DPP6: variants seen among roughly 807,000 people sequenced by gnomAD.
DPP6 encodes dipeptidyl peptidase like 6, also known as A-type potassium channel modulatory protein DPP6.
A neutral mutation model predicts 122.6 loss-of-function variants in DPP6; 69 were observed. That is an observed-to-expected ratio of 0.56 (90% CI 0.46 to 0.69). The LOEUF (loss-of-function observed/expected upper bound fraction) is 0.69. Among genes scored for constraint, DPP6 ranks in the 30% least tolerant of loss-of-function variants. The probability of loss-of-function intolerance (pLI) is 0.00; values close to 1 mark genes in which losing one functional copy is unlikely to be tolerated. For missense variants in DPP6, 928 were observed against 1,116.9 expected, an observed-to-expected ratio of 0.83 and a Z score of 2.41; for synonymous variants, 418 against 433.1, an observed-to-expected ratio of 0.97 and a Z score of 0.43.
intron 1 of DPP6, among the ~76,000 whole-genome samples, chr7:154,137,651 G>A (rs866148382): frequency 1.1e-4 from 5 of 43,636 alleles, no homozygotes; most frequent in Non-Finnish European, 2.4e-4. Context: ...TGGGGGGGGT[G>A]GGGGGGTGGG....
chr7:154,609,271 A>G (rs1352041689), intron 5 of DPP6, among the ~76,000 whole-genome samples: 2 of 152,226 alleles, frequency 1.3e-5, no homozygotes, highest in African/African-American at 2.4e-5. Flanking sequence ...ACCCAGTACT[A>G]TCTTTCTTTG....
At chr7:154,409,440 T>C (rs1456205500) in intron 1 of DPP6, among the ~76,000 whole-genome samples, 1 of 152,204 alleles carries the variant, frequency 6.6e-6, no homozygotes, top group Non-Finnish European at 1.5e-5. Context: ...TTACTGTTGT[T>C]TAAGTCTCCA....
chr7:153,760,421 T>C, the DPP6 span, among the ~76,000 whole-genome samples: 1 of 152,184 alleles, frequency 6.6e-6, no homozygotes, highest in Non-Finnish European at 1.5e-5. Context: ...TTGTATTGTT[T>C]TGCTTCTCTG....
the DPP6 span, among the ~76,000 whole-genome samples, chr7:153,774,812 T>C: frequency 9.2e-5 from 14 of 151,946 alleles, no homozygotes; most frequent in Non-Finnish European, 5.9e-5. Context: ...GAAAAATTTT[T>C]AAGTTAACTG....
chr7:154,383,898 A>AAG (rs1263598540), intron 1 of DPP6, among the ~76,000 whole-genome samples: 4 of 151,466 alleles, frequency 2.6e-5, no homozygotes, highest in African/African-American at 4.9e-5. Context: ...TCCAAAAAAA[A>AAG]AAAAAAAAAA....
At chr7:154,214,989 T>C (rs557621900) in intron 1 of DPP6, among the ~76,000 whole-genome samples, 8 of 152,284 alleles carry the variant, frequency 5.3e-5, no homozygotes, top group African/African-American at 1.9e-4. Flanking sequence ...CGAAGCAGCC[T>C]AATAAATGTT....
chr7:153,857,784 A>T, the DPP6 span, among the ~76,000 whole-genome samples: 1 of 152,252 alleles, frequency 6.6e-6, no homozygotes, highest in Non-Finnish European at 1.5e-5. Flanking sequence ...TTTTCCTGAT[A>T]GAATTTAGAT....
intron 3 of DPP6, among the ~76,000 whole-genome samples, chr7:154,529,069 A>C (rs1013754734): frequency 6.6e-6 from 1 of 152,232 alleles, no homozygotes; most frequent in Non-Finnish European, 1.5e-5. Flanking sequence ...CTTTGTCTGC[A>C]TAGAGAATGG....
chr7:153,821,109 A>G, the DPP6 span, among the ~76,000 whole-genome samples: 4 of 152,214 alleles, frequency 2.6e-5, no homozygotes, highest in Admixed American at 2.6e-4. Context: ...TTGAATTTTT[A>G]TTTTAATATA....
At position 154,688,861 on chromosome 7, in the gene DPP6, C is replaced by A. The variant is rs141816226; in HGVS notation, c.762+19420C>A. 9.5e-3 allele frequency among the ~76,000 whole-genome samples: 1,441 copies of A among 152,292 alleles called. 21 individuals are homozygous for A. Among genetic ancestry groups the A allele is most frequent in the African/African-American group, 0.033 (1,359 of 41,568 alleles). Reference sequence around the variant, plus strand: ...CACACCCAAGATTAATACTTTGTATCCCTCAATCCAATCAAGTTGACACTC... The same window carrying A: ...CACACCCAAGATTAATACTTTGTATACCTCAATCCAATCAAGTTGACACTC... On this transcript the variant is annotated intron_variant, in intron 7 of 25. Transcript: ENST00000377770.
At chr7:154,628,953 G>A (rs772034452) in intron 5 of DPP6, among the ~76,000 whole-genome samples, 52 of 152,324 alleles carry the variant, frequency 3.4e-4, no homozygotes, top group Non-Finnish European at 6.3e-4. Flanking sequence ...GAAAGGTGTG[G>A]CGGGGAATGG....
rs1823277747 is a variant in DPP6 at position 154,481,371 on chromosome 7, G to C, written c.457+6334G>C. ...GGTGTGTGTGTGTGTGTGTGTGTGTGTGTCTGTGTGTGTGTGCATGTCAGT... is the reference window on the plus strand; with the variant it reads ...GGTGTGTGTGTGTGTGTGTGTGTGTCTGTCTGTGTGTGTGTGCATGTCAGT... On this transcript the variant is annotated intron_variant, in intron 3 of 25. Coordinates refer to ENST00000377770, the MANE Select transcript of DPP6 (RefSeq NM_130797.4). The surrounding 1 kb of genome is among the most constrained non-coding windows in gnomAD (Gnocchi z 4.2). 6.6e-6 allele frequency among the ~76,000 whole-genome samples: 1 copy of C among 151,670 alleles called. No individual in the cohort carries two copies. Among genetic ancestry groups the C allele is most frequent in the East Asian group, 1.9e-4 (1 of 5,134 alleles).
intron 1 of DPP6, among the ~76,000 whole-genome samples, chr7:154,195,781 C>G (rs1455153202): frequency 6.6e-6 from 1 of 151,824 alleles, no homozygotes; most frequent in Non-Finnish European, 1.5e-5. Flanking sequence ...TGAAAATTTC[C>G]TAGGAACCTC....
intron 1 of DPP6, among the ~76,000 whole-genome samples, chr7:154,336,067 A>G (rs6964613): frequency 0.077 from 11,776 of 151,988 alleles, 1,440 homozygotes; most frequent in African/African-American, 0.26. Context: ...TTTTTCCACA[A>G]ATACCTGTAG....
chr7:154,327,164 G>A (rs1395689519), intron 1 of DPP6, among the ~76,000 whole-genome samples: 1 of 152,102 alleles, frequency 6.6e-6, no homozygotes, highest in African/African-American at 2.4e-5. Context: ...AGGCTTCCAG[G>A]CAAAGTGGAG....
At chr7:154,025,760 AGTAT>A (rs1274029137) in intron 1 of DPP6, among the ~76,000 whole-genome samples, 3 of 152,140 alleles carry the variant, frequency 2.0e-5, no homozygotes, top group African/African-American at 7.2e-5. Flanking sequence ...CTATGTATGT[AGTAT>A]GTGTTTACTG....
chr7:154,088,006 T>C (rs1324106732), intron 1 of DPP6, among the ~76,000 whole-genome samples: 1 of 152,142 alleles, frequency 6.6e-6, no homozygotes, highest in East Asian at 1.9e-4. Context: ...CTTGTCTTCC[T>C]GGGTGTGCTG....
chr7:154,664,554 T>A (rs1324098128), intron 6 of DPP6, among the ~76,000 whole-genome samples: 2 of 152,132 alleles, frequency 1.3e-5, no homozygotes, highest in Non-Finnish European at 2.9e-5. Flanking sequence ...TTCAAAAGGA[T>A]CTTTGCTGAG....
At chr7:154,514,221 A>G (rs1826313609) in intron 3 of DPP6, among the ~76,000 whole-genome samples, 2 of 152,114 alleles carry the variant, frequency 1.3e-5, no homozygotes. Context: ...GGTTGTGGTG[A>G]GCCAAGATAG....
Sources: allele counts gnomAD v4.1 joint callset (sites outside exome capture counted in the v4.1 genomes callset), GRCh38; gene constraint gnomAD v4.1.1; non-coding constraint Gnocchi (gnomAD v3.1); transcripts MANE v1.5; gene names NCBI Gene and HGNC (gene_info 2026-07-23, HGNC 2026-07-21).